CASQ1: variants seen among roughly 807,000 people sequenced by gnomAD.
CASQ1 encodes calsequestrin-1.
CASQ1 carries 40 observed loss-of-function variants against 49.5 expected under a neutral mutation model. The ratio of observed to expected loss-of-function variants is 0.81; its 90% CI spans 0.63 to 1.05. CASQ1 has a LOEUF of 1.05. Among genes scored for constraint, CASQ1 ranks in the 50% least tolerant of loss-of-function variants. The pLI is 0.00. For missense variants in CASQ1, 469 were observed against 486.9 expected (o/e 0.96, Z 0.35); for synonymous variants, 174 against 187.2 (o/e 0.93, Z 0.58).
chr1:160,195,623 C>T (rs1654203002), intron 5 of CASQ1, 89 bp downstream of exon 5: 3 of 1,247,906 alleles, frequency 2.4e-6, no homozygotes, highest in East Asian at 2.3e-5. Flanking sequence ...CTGACCTGGT[C>T]CCTTCCTACG....
Position 160,197,570 on chromosome 1 carries a change from T to C in CASQ1, c.784T>C (p.Ser262Pro). Residue 262 changes from serine (S) to proline (P), a missense_variant and splice_region_variant, in exon 7 of 11, where the codon TCA becomes CCA. By Grantham distance (74) the Ser-to-Pro change is moderately conservative. Coordinates refer to ENST00000368078, the MANE Select transcript of CASQ1 (RefSeq NM_001231.5). ...IVNFVEEHRR[S>P]TLRKLKPESM... Reference sequence around the variant, plus strand: ...TGACACTCTGTCTGTCTCTTCTAGATCAACCCTGAGGAAACTGAAGCCGGA... The same window carrying C: ...TGACACTCTGTCTGTCTCTTCTAGACCAACCCTGAGGAAACTGAAGCCGGA... 4 of 1,610,472 alleles carry C rather than the reference T, an allele frequency of 2.5e-6. No individual in the cohort carries two copies. The highest frequency in any genetic ancestry group is 3.4e-6 in the Non-Finnish European group (4 of 1,176,668).
At chr1:160,199,333 T>C (rs1654317791) in intron 9 of CASQ1, among the ~76,000 whole-genome samples, 1 of 152,134 alleles carries the variant, frequency 6.6e-6, no homozygotes, top group South Asian at 2.1e-4. Context: ...TGAGGCACAA[T>C]AGTCCTGCAC....
chr1:160,190,778 C>T lies in CASQ1; in HGVS notation c.27C>T (p.Pro9=). Residue 9 remains proline, a synonymous_variant, in exon 1 of 11, where the codon CCC becomes CCT. Coordinates refer to ENST00000368078, the MANE Select transcript of CASQ1 (RefSeq NM_001231.5). ...TGAGTGCTACAGACAGGATGGGGCC[C>T]AGAGCTGTGCCGGGTCTGCGGCTGG... MSATDRMG[P]RAVPGLRLAL... is the part of the protein sequence containing the mutation. The T allele has an allele frequency of 6.2e-7, 1 of 1,614,068 alleles. No individual in the cohort carries two copies. Among genetic ancestry groups the T allele is most frequent in the Non-Finnish European group, 8.5e-7 (1 of 1,179,978 alleles).
intron 5 of CASQ1, 121 bp downstream of exon 5, chr1:160,195,655 C>CG (rs1184440332): frequency 8.2e-6 from 7 of 853,024 alleles, no homozygotes; most frequent in East Asian, 2.6e-5. Flanking sequence ...CCTACCTGCC[C>CG]CCCCCCCCGG....
rs538103034 is a variant in CASQ1 at position 160,201,835 on chromosome 1, T to G, written c.*459T>G. On this transcript the variant is annotated 3_prime_UTR_variant, in exon 11 of 11. Transcript: ENST00000368078. ...CTGTATCTCAGCAATCACTTGTTAA[T>G]GTATTTGGGTCAAATGAGAGGCCTC... 2 of 162,430 alleles carry G rather than the reference T, an allele frequency of 1.2e-5. No individual in the cohort carries two copies. The highest frequency in any genetic ancestry group is 4.8e-5 in the African/African-American group (2 of 41,902). 10.1% of individuals were successfully genotyped at this position (162,430 alleles called of 1,614,324 possible).
chr1:160,197,669 T>G, intron 7 of CASQ1, 55 bp downstream of exon 7: 7 of 1,275,392 alleles, frequency 5.5e-6, no homozygotes, highest in Non-Finnish European at 8.0e-6. Context: ...GCCAGAAGAC[T>G]CAAGTCCTAG....
intron 1 of CASQ1, among the ~76,000 whole-genome samples, chr1:160,191,819 G>C (rs1654083183): frequency 7.9e-6 from 1 of 126,962 alleles, no homozygotes; most frequent in South Asian, 2.6e-4. Flanking sequence ...TCTTGTCCAA[G>C]CTCCTGTGGC....
intron 4 of CASQ1, 67 bp downstream of exon 4, chr1:160,195,190 C>A: frequency 1.0e-6 from 1 of 983,120 alleles, no homozygotes; most frequent in East Asian, 2.4e-5. Flanking sequence ...TCCCACCTCC[C>A]CACATCACCC....
At chr1:160,195,290 G>C (rs1204205403) in intron 4 of CASQ1, among the ~76,000 whole-genome samples, 167 bp downstream of exon 4, 2 of 152,052 alleles carry the variant, frequency 1.3e-5, no homozygotes, top group African/African-American at 4.8e-5. Context: ...GTACTCTGGG[G>C]GTTCCCAGAC....
In CASQ1 at chr1:160,201,627, TTA is replaced by T. The variant is rs1219301897; in HGVS notation, c.*253_*254del. ...TTATCCCATAACTTACTTGTATCTATTATGTGTCTCTTCCATCACTCTCCATA... is the reference window on the plus strand; with the variant it reads ...TTATCCCATAACTTACTTGTATCTATTGTGTCTCTTCCATCACTCTCCATA... On this transcript the variant is annotated 3_prime_UTR_variant, in exon 11 of 11. Transcript: ENST00000368078. 1.8e-6 allele frequency: 1 copy of T among 550,134 alleles called. No individual in the cohort carries two copies. Among genetic ancestry groups the T allele is most frequent in the Non-Finnish European group, 3.3e-6 (1 of 305,508 alleles). 34.1% of individuals were successfully genotyped at this position (550,134 alleles called of 1,614,324 possible). A position where few individuals can be genotyped will look rare whatever the true frequency, so the allele number is the denominator to read the frequency against.
At chr1:160,193,087 G>A (rs924958551) in intron 2 of CASQ1, among the ~76,000 whole-genome samples, 7 of 152,248 alleles carry the variant, frequency 4.6e-5, no homozygotes, top group South Asian at 2.1e-4. Flanking sequence ...TCCTTATGAA[G>A]TTCCATGCTC....
chr1:160,198,006 G>A lies in CASQ1; in HGVS notation c.828+392G>A, dbSNP rs144925483. 1.7e-3 allele frequency among the ~76,000 whole-genome samples: 264 copies of A among 151,588 alleles called. 2 individuals carry two copies. In the South Asian group the frequency reaches 0.029, roughly 17 times the overall value. On this transcript the variant is annotated intron_variant, in intron 7 of 10. Coordinates refer to ENST00000368078, the MANE Select transcript of CASQ1 (RefSeq NM_001231.5). ...AGCCTGGGGGACAGAGTGAGACTCC[G>A]TCTCAAAAAAAAAGAAAAAAGAAAA... is the stretch of plus-strand genomic sequence containing the variant.
intron 1 of CASQ1, chr1:160,192,554 CAGTGT>C (rs1654101659): frequency 2.2e-6 from 1 of 449,716 alleles, no homozygotes; most frequent in Admixed American, 3.6e-5. Flanking sequence ...GTATTGAGTG[CAGTGT>C]CTTCAAGTCC....
rs1016920060 is a variant in CASQ1, at chr1:160,192,979, G to A, written c.364+93G>A. 6 of 961,456 alleles carry A rather than the reference G, an allele frequency of 6.2e-6. No individual in the cohort carries two copies. The Middle Eastern group carries it at 1.1e-3, about 183-fold the overall frequency. The allele number at this position is 961,456 out of a possible 1,614,324, so 59.6% of individuals were successfully genotyped here. A position where few individuals can be genotyped will look rare whatever the true frequency, so the allele number is the denominator to read the frequency against. The stretch of plus-strand genomic sequence containing the variant: ...CTGTCAGGCAGTCCTTGGGATCCGA[G>A]GGGCTTGGGAATCTCTCAGATTTAT... On this transcript the variant is annotated intron_variant, in intron 2 of 10. Transcript: ENST00000368078.
At chr1:160,194,510 A>G (rs1654164226) in intron 3 of CASQ1, among the ~76,000 whole-genome samples, 1 of 145,188 alleles carries the variant, frequency 6.9e-6, no homozygotes, top group Non-Finnish European at 1.5e-5. Flanking sequence ...CCCACCAGAT[A>G]TATCACATGC....
At chr1:160,200,510 G>GA (rs1654346062) in intron 10 of CASQ1, among the ~76,000 whole-genome samples, 2 of 151,852 alleles carry the variant, frequency 1.3e-5, no homozygotes, top group Non-Finnish European at 2.9e-5. Context: ...AAAAGTTTAA[G>GA]AAAAAGTGAT....
At position 160,193,748 on chromosome 1, in the gene CASQ1, C is replaced by T; in HGVS notation, c.366C>T (p.Gly122=). The change falls in exon 3 of 11, where the codon GGC becomes GGT. Residue 122 remains glycine (G), a splice_region_variant and synonymous_variant. Coordinates refer to ENST00000368078, the MANE Select transcript of CASQ1 (RefSeq NM_001231.5). ...CCCTGCGCCCGGCTCACTCCCTAGG[C>T]CTAACTGAAGTGGACAGCATGTATG... The part of the protein sequence containing the change: ...EKDAAVAKKL[G]LTEVDSMYVF... The T allele has an allele frequency of 6.3e-7, 1 of 1,598,442 alleles. No individual in the cohort carries two copies. Among genetic ancestry groups the T allele is most frequent in the Admixed American group, 1.7e-5 (1 of 59,188 alleles).
Position 160,195,498 on chromosome 1 carries a change from T to A in CASQ1, c.615T>A (p.His205Gln). Residue 205 changes from histidine to glutamine, a missense_variant, in exon 5 of 11, where the codon CAT becomes CAA. Physicochemically the swap from His to Gln is conservative, Grantham distance 24. Transcript: ENST00000368078. ...KAFEDAAEEF[H>Q]PYIPFFATFD... ...TCGAGGATGCAGCTGAGGAGTTTCA[T>A]CCCTACATCCCCTTCTTCGCCACCT... 1 of 1,614,000 alleles carries A rather than the reference T, an allele frequency of 6.2e-7. No individual in the cohort carries two copies. Among genetic ancestry groups the A allele is most frequent in the Non-Finnish European group, 8.5e-7 (1 of 1,179,968 alleles).
In CASQ1 at chr1:160,195,907, A is replaced by G; in HGVS notation, c.662A>G (p.Lys221Arg). 6.2e-7 allele frequency: 1 copy of G among 1,613,930 alleles called. No homozygotes were observed. The highest frequency in any genetic ancestry group is 8.5e-7 in the Non-Finnish European group (1 of 1,179,924). ...FATFDSKVAK[K>R]LTLKLNEIDF... ...CCCCCTCTCCCAAAGGTGGCAAAGA[A>G]GCTGACCCTGAAGCTGAATGAGATT... The change falls in exon 6 of 11, where the codon AAG (lysine) becomes AGG (arginine). Residue 221 changes from lysine to arginine, a missense_variant. Lys to Arg is a conservative substitution (Grantham distance 26). Transcript: ENST00000368078.
Sources: gnomAD v4.1 joint callset for allele counts (sites outside exome capture counted in the v4.1 genomes callset) on GRCh38, gnomAD v4.1.1 for gene constraint, MANE v1.5 for transcripts, NCBI Gene and HGNC (gene_info 2026-07-23, HGNC 2026-07-21) for gene names.